SS18: variants seen among roughly 807,000 people sequenced by gnomAD.
The protein encoded by SS18 is protein SSXT.
SS18 carries 28 observed loss-of-function variants against 72.5 expected under a neutral mutation model. That is an observed-to-expected ratio of 0.39 (90% CI 0.29 to 0.53). The LOEUF (loss-of-function observed/expected upper bound fraction) is 0.53. SS18 is among the 20% of genes least tolerant of loss of function. The pLI is 0.76. For synonymous variants in SS18, 172 were observed against 164.2 expected, an observed-to-expected ratio of 1.05 and a Z score of -0.37; for missense variants, 518 against 535.3, an observed-to-expected ratio of 0.97 and a Z score of 0.32.
At chr18:26,085,023 G>A (rs1351809645) in intron 2 of SS18, among the ~76,000 whole-genome samples, 5 of 152,252 alleles carry the variant, frequency 3.3e-5, no homozygotes, top group Admixed American at 3.3e-4. Context: ...ATTCATATCT[G>A]CAATTACTCT....
intron 4 of SS18, among the ~76,000 whole-genome samples, chr18:26,054,356 A>G (rs2053977473): frequency 6.6e-6 from 1 of 152,224 alleles, no homozygotes; most frequent in African/African-American, 2.4e-5. Context: ...CCTTTAACCC[A>G]GCAATTTCAG....
intron 5 of SS18, among the ~76,000 whole-genome samples, chr18:26,049,605 G>C (rs1275021048): frequency 1.3e-5 from 2 of 152,170 alleles, no homozygotes; most frequent in Admixed American, 6.5e-5. Context: ...TCGAAGTCCT[G>C]TGCTCAAGTG....
At chr18:26,087,000 A>G (rs1175685898) in intron 2 of SS18, among the ~76,000 whole-genome samples, 1 of 152,236 alleles carries the variant, frequency 6.6e-6, no homozygotes, top group Non-Finnish European at 1.5e-5. Flanking sequence ...AAAATTAGTC[A>G]AAAGTACAAA....
At chr18:26,032,597 T>C in intron 9 of SS18, 65 bp from the exon 10 acceptor site, 1 of 1,562,136 alleles carries the variant, frequency 6.4e-7, no homozygotes, top group Non-Finnish European at 8.7e-7. Flanking sequence ...CAGGGAAGGA[T>C]GTGAACTACA....
Position 26,035,964 on chromosome 18 carries a change from C to A in SS18, c.881-41G>T. On this transcript the variant is annotated intron_variant, in intron 7 of 10. Transcript: ENST00000415083. The surrounding 1 kb of genome is among the most constrained non-coding windows in gnomAD (Gnocchi z 4.4). Reference sequence around the variant, plus strand: ...AAGAGACAGGAAGAAACGTTAATGGCCACTGAGTGAAAACCCTAAAAATAT... The same window carrying A: ...AAGAGACAGGAAGAAACGTTAATGGACACTGAGTGAAAACCCTAAAAATAT... 7.8e-7 allele frequency: 1 copy of A among 1,273,964 alleles called. No individual in the cohort carries two copies. The highest frequency in any genetic ancestry group is 1.1e-6 in the Non-Finnish European group (1 of 891,820). The allele number at this position is 1,273,964 out of a possible 1,614,324, so 78.9% of individuals were successfully genotyped here. A position where few individuals can be genotyped will look rare whatever the true frequency, so the allele number is the denominator to read the frequency against.
chr18:26,066,387 T>A (rs2054216919), intron 3 of SS18, among the ~76,000 whole-genome samples: 1 of 152,112 alleles, frequency 6.6e-6, no homozygotes, highest in South Asian at 2.1e-4. Context: ...CACCTTCACA[T>A]CTCCATTTGA....
At chr18:26,047,508 T>C (rs1193394808) in intron 5 of SS18, among the ~76,000 whole-genome samples, 2 of 152,156 alleles carry the variant, frequency 1.3e-5, no homozygotes, top group Non-Finnish European at 2.9e-5. Context: ...AATATTACCA[T>C]TTCAGAATCC....
upstream of SS18, chr18:26,090,623 A>G (rs750518088): frequency 2.8e-5 from 43 of 1,525,458 alleles, no homozygotes; most frequent in East Asian, 1.0e-3. Flanking sequence ...TGAACGGCAA[A>G]CTGGGGGAGA....
chr18:26,082,866 T>C (rs1024209681), intron 2 of SS18, among the ~76,000 whole-genome samples: 4 of 152,224 alleles, frequency 2.6e-5, no homozygotes, highest in African/African-American at 4.8e-5. Context: ...ATAAAATACA[T>C]AGTTATTTTT....
At chr18:26,055,766 G>GTTT (rs71751424) in intron 4 of SS18, among the ~76,000 whole-genome samples, 1 of 117,276 alleles carries the variant, frequency 8.5e-6, no homozygotes, top group Admixed American at 8.6e-5. Context: ...TTTTTTTTTT[G>GTTT]TTTTTTTTTT....
At chr18:26,060,654 G>C (rs1404240997) in intron 3 of SS18, among the ~76,000 whole-genome samples, 3 of 151,514 alleles carry the variant, frequency 2.0e-5, no homozygotes, top group Non-Finnish European at 2.9e-5. Context: ...GCCAGATGTG[G>C]TGGCTCATGC....
chr18:26,039,014 T>C (rs1363157820), intron 6 of SS18, among the ~76,000 whole-genome samples: 1 of 151,992 alleles, frequency 6.6e-6, no homozygotes, highest in African/African-American at 2.4e-5. Context: ...CCTGACCCTT[T>C]ATAACTTTTC....
intron 10 of SS18, among the ~76,000 whole-genome samples, chr18:26,028,437 A>G (rs1443690360): frequency 3.9e-5 from 6 of 152,246 alleles, no homozygotes; most frequent in Non-Finnish European, 7.3e-5. Flanking sequence ...TATACCTATC[A>G]TATGATCCAA....
At chr18:26,044,638 T>C (rs1379811181) in intron 5 of SS18, among the ~76,000 whole-genome samples, 2 of 151,914 alleles carry the variant, frequency 1.3e-5, no homozygotes, top group Non-Finnish European at 2.9e-5. Context: ...TTTTTCAAAT[T>C]TAACATCAGT....
At chr18:26,088,823 C>T (rs2054662903) in intron 1 of SS18, among the ~76,000 whole-genome samples, 1 of 152,068 alleles carries the variant, frequency 6.6e-6, no homozygotes, top group African/African-American at 2.4e-5. Flanking sequence ...AAAGGAACAT[C>T]CATTTAACAT....
intron 3 of SS18, among the ~76,000 whole-genome samples, chr18:26,076,712 A>G (rs1438884697): frequency 6.6e-6 from 1 of 152,024 alleles, no homozygotes; most frequent in African/African-American, 2.4e-5. Context: ...CAAAGAAGCT[A>G]TGAAATACTT....
At chr18:26,050,901 G>A (rs1393497913) in intron 5 of SS18, among the ~76,000 whole-genome samples, 1 of 145,854 alleles carries the variant, frequency 6.9e-6, no homozygotes, top group Non-Finnish European at 1.5e-5. Context: ...AGAGCCAGAC[G>A]CCGTCTCAAA....
chr18:26,047,607 C>G (rs902677633), intron 5 of SS18, among the ~76,000 whole-genome samples: 8 of 151,892 alleles, frequency 5.3e-5, no homozygotes, highest in African/African-American at 1.9e-4. Context: ...TTTGGGAGGC[C>G]AAGGCGGGCA....
chr18:26,022,553 A>T (rs2053371104), intron 10 of SS18, among the ~76,000 whole-genome samples: 1 of 152,172 alleles, frequency 6.6e-6, no homozygotes. Flanking sequence ...CAGCCCTCTG[A>T]CTACCACAGC....
Sources: allele counts gnomAD v4.1 joint callset (sites outside exome capture counted in the v4.1 genomes callset), GRCh38; gene constraint gnomAD v4.1.1; non-coding constraint Gnocchi (gnomAD v3.1); transcripts MANE v1.5; gene names NCBI Gene and HGNC (gene_info 2026-07-23, HGNC 2026-07-21).